Variants in PTPRF observed in about 807,000 individuals in gnomAD.
PTPRF encodes the protein receptor-type tyrosine-protein phosphatase F.
Under a neutral mutation model 201.8 loss-of-function variants are expected in PTPRF, and 59 were observed. The ratio of observed to expected loss-of-function variants is 0.29; its 90% CI spans 0.24 to 0.36. The LOEUF (loss-of-function observed/expected upper bound fraction) is 0.36. Among genes scored for constraint, PTPRF ranks in the 10% least tolerant of loss-of-function variants. The probability of loss-of-function intolerance (pLI) is 1.00; values close to 1 mark genes in which losing one functional copy is unlikely to be tolerated. For missense variants in PTPRF, 2,132 were observed against 2,690.5 expected (o/e 0.79, Z 4.59); for synonymous variants, 1,088 against 1,089.7 (o/e 1.00, Z 0.03).
intron 23 of PTPRF, 36 bp downstream of exon 23, chr1:43,613,751 C>G (rs747187973): frequency 1.3e-6 from 2 of 1,563,566 alleles, no homozygotes; most frequent in Non-Finnish European, 1.8e-6. Flanking sequence ...GTGCCTGGCC[C>G]AGGCCTACCC....
intron 5 of PTPRF, among the ~76,000 whole-genome samples, chr1:43,569,129 T>A (rs1646387892): frequency 6.6e-6 from 1 of 152,094 alleles, no homozygotes. Context: ...AAGGGAACAC[T>A]GTGTGTGCGG....
rs1166522124 is a variant in PTPRF, at chr1:43,623,134, CG to C, written c.*1136del. ...ACACCCCATGCACCTCAGGGCCAAG[CG>C]GGGGCGTGGCTGGCCTTTCAGGTCC... is the stretch of plus-strand genomic sequence containing the variant. On this transcript the variant is annotated 3_prime_UTR_variant, in exon 34 of 34. Coordinates refer to ENST00000359947, the MANE Select transcript of PTPRF (RefSeq NM_002840.5). The C allele has an allele frequency of 6.5e-6, 1 of 152,676 alleles. No individual in the cohort carries two copies. Among genetic ancestry groups the C allele is most frequent in the African/African-American group, 2.4e-5 (1 of 41,450 alleles). The allele number at this position is 152,676 out of a possible 1,614,324, so 9.5% of individuals were successfully genotyped here.
chr1:43,589,375 CAG>C (rs1650015880), intron 8 of PTPRF, among the ~76,000 whole-genome samples: 1 of 151,922 alleles, frequency 6.6e-6, no homozygotes, highest in South Asian at 2.1e-4. Flanking sequence ...AAATAAATGA[CAG>C]AGCAGGGACT....
rs762746848 is a variant in PTPRF, at chr1:43,606,263, C to G, written c.3507C>G (p.Gly1169=). Residue 1169 remains glycine (G), a synonymous_variant, in exon 20 of 34, where the codon GGC becomes GGG. Coordinates refer to ENST00000359947, the MANE Select transcript of PTPRF (RefSeq NM_002840.5). ...AGCTTCTAGAAGCCATCGAGCAAGGCGGAGAGGAGCAGCGGCGGCGGCGGC... is the reference window on the plus strand; with the variant it reads ...AGCTTCTAGAAGCCATCGAGCAAGGGGGAGAGGAGCAGCGGCGGCGGCGGC... The part of the protein sequence containing the change: ...LDELLEAIEQ[G]GEEQRRRRRQ... The G allele has an allele frequency of 6.2e-7, 1 of 1,613,570 alleles. No homozygotes were observed. Among genetic ancestry groups the G allele is most frequent in the Non-Finnish European group, 8.5e-7 (1 of 1,179,918 alleles).
At chr1:43,607,178 G>T (rs1655334313) in intron 21 of PTPRF, among the ~76,000 whole-genome samples, 1 of 152,242 alleles carries the variant, frequency 6.6e-6, no homozygotes, top group African/African-American at 2.4e-5. Context: ...CTCTGCAGCA[G>T]CCTGGGCGTG....
chr1:43,614,334 C>T (rs752926548), intron 23 of PTPRF, among the ~76,000 whole-genome samples: 1 of 152,208 alleles, frequency 6.6e-6, no homozygotes, highest in Non-Finnish European at 1.5e-5. Context: ...CCACAGCTCA[C>T]GGGGAGTCGG....
At chr1:43,600,903 C>G (rs116285334) in intron 13 of PTPRF, among the ~76,000 whole-genome samples, 1 of 152,074 alleles carries the variant, frequency 6.6e-6, no homozygotes, top group Non-Finnish European at 1.5e-5. Flanking sequence ...CTGCCTCTAG[C>G]GCAGGACAGG....
chr1:43,619,403 A>G lies in PTPRF; in HGVS notation c.4762A>G (p.Asn1588Asp). 6.2e-7 allele frequency: 1 copy of G among 1,614,106 alleles called. No individual in the cohort carries two copies. Among genetic ancestry groups the G allele is most frequent in the Non-Finnish European group, 8.5e-7 (1 of 1,180,026 alleles). ...GHVTCMRSQR[N>D]YMVQTEDQYV... ...CGTGACCTGCATGCGATCACAGAGG[A>G]ACTACATGGTGCAGACGGAGGACCA... The change falls in exon 28 of 34, where the codon AAC (asparagine) becomes GAC (aspartate). Residue 1588 changes from asparagine (N) to aspartate (D), a missense_variant. Physicochemically the swap from Asn to Asp is conservative, Grantham distance 23. Around this residue, in one of 6 missense-constraint regions of PTPRF, gnomAD observed 519 missense variants for 659.5 expected, o/e 0.79. Coordinates refer to ENST00000359947, the MANE Select transcript of PTPRF (RefSeq NM_002840.5).
chr1:43,605,773 G>C, intron 19 of PTPRF, 151 bp downstream of exon 19: 1 of 745,120 alleles, frequency 1.3e-6, no homozygotes, highest in Non-Finnish European at 2.3e-6. Flanking sequence ...TCTGGAGAGA[G>C]GGACTCTGAG....
intron 25 of PTPRF, 82 bp downstream of exon 25, chr1:43,617,993 T>A (rs1658286743): frequency 7.0e-7 from 1 of 1,423,032 alleles, no homozygotes; most frequent in South Asian, 1.4e-5. Context: ...TCTGTGCCGC[T>A]TTCTTCTGTG....
chr1:43,528,707 A>G (rs1297229551), upstream of PTPRF: 2 of 152,212 alleles, frequency 1.3e-5, no homozygotes. Flanking sequence ...TCTGCATGTC[A>G]GTGATTAAAT....
intron 5 of PTPRF, among the ~76,000 whole-genome samples, chr1:43,558,432 A>AT (rs371725555): frequency 5.3e-5 from 8 of 152,060 alleles, no homozygotes; most frequent in African/African-American, 1.9e-4. Context: ...TGCACCTCGC[A>AT]TCTGAGCAGG....
At chr1:43,610,083 C>G (rs1180205219) in intron 22 of PTPRF, among the ~76,000 whole-genome samples, 4 of 152,180 alleles carry the variant, frequency 2.6e-5, no homozygotes. Flanking sequence ...TGCCCACACC[C>G]CCACAGGGTT....
rs998930662 is a variant in PTPRF, at chr1:43,562,107, G to A, written c.380-7483G>A. Reference sequence around the variant, plus strand: ...CCTACTGGTTTGCTTGCTGGGGAGAGAGGACTTGTTTTTTTTTTTGAGATG... The same window carrying A: ...CCTACTGGTTTGCTTGCTGGGGAGAAAGGACTTGTTTTTTTTTTTGAGATG... On this transcript the variant is annotated intron_variant, in intron 5 of 33. Transcript: ENST00000359947. Among the ~76,000 whole-genome samples, 65 of 152,086 alleles carry A rather than the reference G, an allele frequency of 4.3e-4. 1 individual carries two copies. The highest frequency in any genetic ancestry group is 1.3e-3 in the African/African-American group (54 of 41,540).
intron 21 of PTPRF, among the ~76,000 whole-genome samples, chr1:43,608,512 G>A (rs560729823): frequency 1.2e-4 from 18 of 152,314 alleles, no homozygotes; most frequent in African/African-American, 3.8e-4. Flanking sequence ...GGTGTGAGGA[G>A]GCAGTTTCTG....
chr1:43,546,066 G>A lies in PTPRF; in HGVS notation c.91+900G>A, dbSNP rs951740. ...CGTTCCCAGCCTGTCCAGAGCCCAG[G>A]GGTGATCCAGGGCCAACCCTGGGGT... On this transcript the variant is annotated intron_variant, in intron 3 of 33. Coordinates refer to ENST00000359947, the MANE Select transcript of PTPRF (RefSeq NM_002840.5). The surrounding 1 kb of genome is among the most constrained non-coding windows in gnomAD (Gnocchi z 4.2). Among the ~76,000 whole-genome samples, 100,638 of 152,068 alleles carry A rather than the reference G, an allele frequency of 0.66. 33,494 individuals carry two copies. The highest frequency in any genetic ancestry group is 0.83 in the South Asian group (3,992 of 4,816).
intron 11 of PTPRF, 36 bp downstream of exon 11, chr1:43,592,637 G>T: frequency 6.5e-7 from 1 of 1,544,298 alleles, no homozygotes; most frequent in South Asian, 1.2e-5. Flanking sequence ...TGTTACACCT[G>T]GGCTGGGACA....
rs541158566 is a variant in PTPRF, at chr1:43,544,908, G to A, written c.-45-123G>A. On this transcript the variant is annotated intron_variant, in intron 2 of 33. Coordinates refer to ENST00000359947, the MANE Select transcript of PTPRF (RefSeq NM_002840.5). The stretch of plus-strand genomic sequence containing the variant: ...GGTCATTGCACAGCCCAAGTGGGGG[G>A]CTCTGTTGAACTAGGCTCTGGATGG... The A allele has an allele frequency of 4.4e-5, 27 of 616,198 alleles. 1 individual carries two copies. In the South Asian group the frequency reaches 5.2e-4, roughly 12 times the overall value. The allele number at this position is 616,198 out of a possible 1,614,324, so 38.2% of individuals were successfully genotyped here.
chr1:43,620,146 G>A lies in PTPRF; in HGVS notation c.5163G>A (p.Glu1721=). 1 of 1,614,116 alleles carries A rather than the reference G, an allele frequency of 6.2e-7. No homozygotes were observed. The highest frequency in any genetic ancestry group is 1.7e-4 in the Middle Eastern group (1 of 6,060). The change falls in exon 30 of 34, where the codon GAG becomes GAA. Residue 1721 remains glutamate (E), a synonymous_variant. Coordinates refer to ENST00000359947, the MANE Select transcript of PTPRF (RefSeq NM_002840.5). ...AGGGGCCTCTGGCAGAGAGCACCGA[G>A]GACTTCTGGCGCATGCTATGGGAGC... The part of the protein sequence containing the change: ...ATQGPLAEST[E]DFWRMLWEHN...
Sources: allele counts gnomAD v4.1 joint callset (sites outside exome capture counted in the v4.1 genomes callset), GRCh38; gene constraint gnomAD v4.1.1; regional missense constraint gnomAD v4.1.1; non-coding constraint Gnocchi (gnomAD v3.1); transcripts MANE v1.5; gene names NCBI Gene and HGNC (gene_info 2026-07-23, HGNC 2026-07-21).